The following PTPN3 variants were observed in gnomAD, a reference collection of about 807,000 sequenced individuals.
PTPN3 encodes tyrosine-protein phosphatase non-receptor type 3.
In PTPN3, 96 loss-of-function variants were observed where a neutral mutation model predicts 132.7. That is an observed-to-expected ratio of 0.72 (90% CI 0.61 to 0.86). The LOEUF (loss-of-function observed/expected upper bound fraction) is 0.86, where lower values mean the gene tolerates loss of function less well. Among genes scored for constraint, PTPN3 ranks in the 40% least tolerant of loss-of-function variants. PTPN3 has a pLI of 0.00. For missense variants in PTPN3, 1,125 were observed against 1,159.6 expected, an observed-to-expected ratio of 0.97 and a Z score of 0.43; for synonymous variants, 398 against 429.0, an observed-to-expected ratio of 0.93 and a Z score of 0.89.
intron 1 of PTPN3, among the ~76,000 whole-genome samples, chr9:109,471,016 C>T (rs1193501790): frequency 6.6e-6 from 1 of 151,696 alleles, no homozygotes; most frequent in East Asian, 1.9e-4. Flanking sequence ...CCTGTGTAAC[C>T]CTTTTGCCCT....
At position 109,410,430 on chromosome 9, in the gene PTPN3, A is replaced by G; in HGVS notation, c.1314-15T>C. The G allele has an allele frequency of 6.2e-7, 1 of 1,612,212 alleles. No homozygotes were observed. Among genetic ancestry groups the G allele is most frequent in the Non-Finnish European group, 8.5e-7 (1 of 1,178,396 alleles). The stretch of plus-strand genomic sequence containing the variant: ...CGGATAAACTCCTTCATCATGGGGA[A>G]GGAGGAGATATTAATAACTGGGTTA... On this transcript the variant is annotated splice_polypyrimidine_tract_variant and intron_variant, in intron 14 of 25. Transcript: ENST00000374541.
chr9:109,476,949 C>T (rs7866187), intron 1 of PTPN3, among the ~76,000 whole-genome samples: 37,325 of 152,040 alleles, frequency 0.25, 5,013 homozygotes, highest in Non-Finnish European at 0.28. Context: ...ATTTTTACAC[C>T]CCTCACTCCT....
intron 1 of PTPN3, among the ~76,000 whole-genome samples, chr9:109,472,093 A>T (rs774221433): frequency 1.3e-5 from 2 of 152,232 alleles, no homozygotes; most frequent in African/African-American, 4.8e-5. Context: ...ATGAAGTAAC[A>T]GATTTTCCAG....
upstream of PTPN3, among the ~76,000 whole-genome samples, chr9:109,501,175 T>C (rs947962610): frequency 6.6e-6 from 1 of 152,222 alleles, no homozygotes; most frequent in South Asian, 2.1e-4. Context: ...ATTATCAAGC[T>C]CAAGTACGAT....
chr9:109,443,715 T>G (rs1343843734), intron 7 of PTPN3, among the ~76,000 whole-genome samples: 1 of 152,150 alleles, frequency 6.6e-6, no homozygotes, highest in African/African-American at 2.4e-5. Flanking sequence ...ACTTCCCATA[T>G]GGATGTGAAA....
At chr9:109,476,033 T>G (rs1486153764) in intron 1 of PTPN3, among the ~76,000 whole-genome samples, 1 of 152,208 alleles carries the variant, frequency 6.6e-6, no homozygotes, top group East Asian at 1.9e-4. Flanking sequence ...ACTAACTCAC[T>G]TTTCTCTGGC....
intron 20 of PTPN3, 115 bp from the exon 21 acceptor site, chr9:109,391,314 T>C: frequency 3.1e-6 from 4 of 1,272,162 alleles, no homozygotes; most frequent in Non-Finnish European, 4.4e-6. Context: ...GCATAAACAC[T>C]ATTCCCCAAC....
At chr9:109,385,475 A>G (rs1839500818) in intron 22 of PTPN3, among the ~76,000 whole-genome samples, 1 of 152,152 alleles carries the variant, frequency 6.6e-6, no homozygotes, top group Admixed American at 6.5e-5. Context: ...AAACAACCCT[A>G]TGAGGTAGGT....
In PTPN3 at chr9:109,427,062, A is replaced by C. The variant is rs771119485; in HGVS notation, c.889T>G (p.Leu297Val). The change falls in exon 12 of 26, where the codon TTG becomes GTG. Residue 297 changes from leucine to valine, a missense_variant. Transcript: ENST00000374541. ...NMLNYRSCKN[L>V]WKSCVEHHTF... is the part of the protein sequence containing the mutation. ...TGGTGCTCAACACAGGATTTCCACA[A>C]GTTTTTGCAAGATCGGTAATTCAGC... 4 of 1,614,010 alleles carry C rather than the reference A, an allele frequency of 2.5e-6. No homozygotes were observed. In the African/African-American group the frequency reaches 5.3e-5, roughly 22 times the overall value.
chr9:109,483,042 T>C (rs1331744669), intron 1 of PTPN3, among the ~76,000 whole-genome samples: 1 of 152,218 alleles, frequency 6.6e-6, no homozygotes, highest in Non-Finnish European at 1.5e-5. Flanking sequence ...CCAGTCTGCA[T>C]AAATCTGGGC....
chr9:109,506,494 A>ACCTTCTTTCCTTCCTT, the PTPN3 span, among the ~76,000 whole-genome samples: 3 of 139,928 alleles, frequency 2.1e-5, no homozygotes, highest in African/African-American at 8.1e-5. Context: ...TTTCCTACCT[A>ACCTTCTTTCCTTCCTT]CCTTCTTTCC....
In PTPN3 at chr9:109,375,992, G is replaced by A. The variant is rs1053130842; in HGVS notation, c.*3564C>T. 1.3e-5 allele frequency: 2 copies of A among 152,156 alleles called. No homozygotes were observed. Among genetic ancestry groups the A allele is most frequent in the African/African-American group, 2.4e-5 (1 of 41,428 alleles). The allele number at this position is 152,156 out of a possible 1,614,324, so 9.4% of individuals were successfully genotyped here. ...GCTCTCAGCTGAGGACAACAGGCAA[G>A]AACCAGAAGGTGGCCATCCTTGTCT... On this transcript the variant is annotated 3_prime_UTR_variant, in exon 26 of 26. Transcript: ENST00000374541.
chr9:109,397,546 C>T (rs903650704), intron 19 of PTPN3: 3 of 152,190 alleles, frequency 2.0e-5, no homozygotes, highest in Non-Finnish European at 4.4e-5. Flanking sequence ...GGTAGCTCAC[C>T]CACACTAGGA....
In PTPN3 at chr9:109,417,682, C is replaced by T. The variant is rs1039551301; in HGVS notation, c.1313+2742G>A. 3.0e-6 allele frequency: 3 copies of T among 985,250 alleles called. No homozygotes were observed. The African/African-American group carries it at 5.2e-5, about 17-fold the overall frequency. The allele number at this position is 985,250 out of a possible 1,614,324, so 61.0% of individuals were successfully genotyped here. On this transcript the variant is annotated intron_variant, in intron 14 of 25. Coordinates refer to ENST00000374541, the MANE Select transcript of PTPN3 (RefSeq NM_002829.4). ...TTCCCACCGGCAGGAAGAGGTCTCC[C>T]ACCTAACAGAGGTGGTGGGGGCTGC...
chr9:109,382,565 C>G, intron 23 of PTPN3, 118 bp from the exon 24 acceptor site: 3 of 1,141,282 alleles, frequency 2.6e-6, no homozygotes, highest in Non-Finnish European at 3.8e-6. Flanking sequence ...GCGCACAGCC[C>G]TGCTGTGGCC....
chr9:109,519,165 A>G, the PTPN3 span, among the ~76,000 whole-genome samples: 1 of 152,192 alleles, frequency 6.6e-6, no homozygotes, highest in Non-Finnish European at 1.5e-5. Context: ...TTATGAACTG[A>G]GTCAAAAGGA....
intron 1 of PTPN3, among the ~76,000 whole-genome samples, chr9:109,488,738 C>T (rs757554207): frequency 6.6e-6 from 1 of 152,196 alleles, no homozygotes; most frequent in African/African-American, 2.4e-5. Flanking sequence ...GAGCCTGACC[C>T]CTTGACCGAG....
intron 12 of PTPN3, among the ~76,000 whole-genome samples, chr9:109,425,773 G>A (rs1031481080): frequency 1.3e-5 from 2 of 152,120 alleles, no homozygotes; most frequent in African/African-American, 4.8e-5. Flanking sequence ...AGAACTTTGG[G>A]AGGCCAAGGT....
At chr9:109,391,333 G>A (rs1840067951) in intron 20 of PTPN3, 134 bp from the exon 21 acceptor site, 1 of 1,266,682 alleles carries the variant, frequency 7.9e-7, no homozygotes, top group African/African-American at 1.5e-5. Flanking sequence ...ACTGTTCCGA[G>A]TCTGAAATGG....
Sources: gnomAD v4.1 joint callset for allele counts (sites outside exome capture counted in the v4.1 genomes callset) on GRCh38, gnomAD v4.1.1 for gene constraint, MANE v1.5 for transcripts, NCBI Gene and HGNC (gene_info 2026-07-23, HGNC 2026-07-21) for gene names.